The following ARVCF variants were observed in gnomAD, a reference collection of about 807,000 sequenced individuals.
ARVCF encodes the protein splicing regulator ARVCF.
ARVCF carries 66 observed loss-of-function variants against 90.9 expected under a neutral mutation model. The ratio of observed to expected loss-of-function variants is 0.73; its 90% CI spans 0.60 to 0.89. The LOEUF (loss-of-function observed/expected upper bound fraction) is 0.89, where lower values mean the gene tolerates loss of function less well. ARVCF is among the 40% of genes least tolerant of loss of function. The probability of loss-of-function intolerance (pLI) is 0.00; values close to 1 mark genes in which losing one functional copy is unlikely to be tolerated. For missense variants in ARVCF, 1,469 were observed against 1,382.3 expected (o/e 1.06, Z -1.00); for synonymous variants, 653 against 603.4 (o/e 1.08, Z -1.21).
At chr22:20,002,395 G>C (rs889907636) in intron 2 of ARVCF, among the ~76,000 whole-genome samples, 1 of 152,200 alleles carries the variant, frequency 6.6e-6, no homozygotes, top group Non-Finnish European at 1.5e-5. Flanking sequence ...TCAACACGCT[G>C]CTGCCTGCTG....
At chr22:19,987,030 C>T (rs1255981810) in intron 3 of ARVCF, 1 of 651,884 alleles carries the variant, frequency 1.5e-6, no homozygotes, top group Admixed American at 2.4e-5. Flanking sequence ...CCCTCTGCCT[C>T]CGACCCCGGG....
intron 2 of ARVCF, among the ~76,000 whole-genome samples, chr22:20,008,926 G>A (rs1427970541): frequency 1.3e-5 from 2 of 152,124 alleles, no homozygotes; most frequent in African/African-American, 4.8e-5. Context: ...AAGAACTGGA[G>A]GGGGGAGGGA....
At chr22:19,973,829 T>C (rs764938878) in intron 12 of ARVCF, 36 bp from the exon 13 acceptor site, 2 of 1,581,060 alleles carry the variant, frequency 1.3e-6, no homozygotes, top group East Asian at 2.3e-5. Flanking sequence ...CAGACATACA[T>C]GCCAGGCACT....
Position 19,981,473 on chromosome 22 carries a change from G to A in ARVCF, c.634C>T (p.Pro212Ser). The change falls in exon 5 of 20, where the codon CCC (proline) becomes TCC (serine). Residue 212 changes from proline (P) to serine (S), a missense_variant. Pro to Ser is a moderately conservative substitution (Grantham distance 74, BLOSUM62 -1). Coordinates refer to ENST00000263207, the MANE Select transcript of ARVCF (RefSeq NM_001670.3). ...GSLSRGLGMR[P>S]PRAGPLGPGP... ...GGGCCAAGGGGGCCAGCACGTGGGG[G>A]CCGCATGCCCAGCCCTCGGGACAGG... 1.3e-6 allele frequency: 2 copies of A among 1,545,566 alleles called. No homozygotes were observed. The highest frequency in any genetic ancestry group is 8.7e-7 in the Non-Finnish European group (1 of 1,148,064).
Position 19,973,487 on chromosome 22 carries a change from C to CG in ARVCF, c.2239+155dup, listed in dbSNP as rs150272589. Among the ~76,000 whole-genome samples, 17,475 of 152,136 alleles carry CG rather than the reference C, an allele frequency of 0.11. 1,362 individuals are homozygous for CG. The highest frequency in any genetic ancestry group is 0.2 in the Middle Eastern group (58 of 294). ...GGGCGCTGAGCTTCAGAGACAGGGC[C>CG]GGGGGGACTGGAGCTACCTCCAGTT... On this transcript the variant is annotated intron_variant, in intron 13 of 19. Coordinates refer to ENST00000263207, the MANE Select transcript of ARVCF (RefSeq NM_001670.3).
chr22:20,001,406 G>A (rs112818083), intron 2 of ARVCF, among the ~76,000 whole-genome samples: 12 of 152,330 alleles, frequency 7.9e-5, no homozygotes, highest in African/African-American at 2.4e-4. Flanking sequence ...TCAGGAAGCC[G>A]CTTCCCGCTG....
chr22:20,012,506 G>A (rs1944873501), intron 1 of ARVCF, among the ~76,000 whole-genome samples: 1 of 152,244 alleles, frequency 6.6e-6, no homozygotes, highest in Non-Finnish European at 1.5e-5. Context: ...CTCACCTTGG[G>A]GAGCCCCCCT....
chr22:19,983,934 G>A (rs548364531), intron 3 of ARVCF, among the ~76,000 whole-genome samples: 1 of 152,342 alleles, frequency 6.6e-6, no homozygotes, highest in Non-Finnish European at 1.5e-5. Flanking sequence ...TCTGAAGCAG[G>A]AGAAGGCTTG....
intron 1 of ARVCF, among the ~76,000 whole-genome samples, chr22:20,013,104 G>T (rs1229049557): frequency 1.3e-5 from 2 of 152,270 alleles, no homozygotes; most frequent in African/African-American, 4.8e-5. Flanking sequence ...ATGCAGGCAG[G>T]TGAATGGAGT....
chr22:19,969,800 C>T (rs1942641702), downstream of ARVCF: 1 of 976,312 alleles, frequency 1.0e-6, no homozygotes, highest in Non-Finnish European at 1.2e-6. Context: ...CACCTGGGAC[C>T]ACCTCCACCC....
Position 19,973,747 on chromosome 22 carries a change from G to A in ARVCF, c.2135C>T (p.Pro712Leu). Reference protein sequence around the residue: ...RATVRKERGLPVLVELLQSET... With the variant: ...RATVRKERGLLVLVELLQSET... ...AGACTGCAGCAGTTCCACAAGCACC[G>A]GCAGCCCGCGCTCTTTGCGCACTGT... The change falls in exon 13 of 20, where the codon CCG (proline) becomes CTG (leucine). Residue 712 changes from proline to leucine, a missense_variant. Coordinates refer to ENST00000263207, the MANE Select transcript of ARVCF (RefSeq NM_001670.3). 3 of 1,608,520 alleles carry A rather than the reference G, an allele frequency of 1.9e-6. No homozygotes were observed. The highest frequency in any genetic ancestry group is 2.5e-6 in the Non-Finnish European group (3 of 1,179,908).
At chr22:19,989,403 C>T (rs1475020198) in intron 3 of ARVCF, among the ~76,000 whole-genome samples, 1 of 152,180 alleles carries the variant, frequency 6.6e-6, no homozygotes, top group African/African-American at 2.4e-5. Context: ...CAAGTCTGGA[C>T]ACCAAGACTC....
intron 2 of ARVCF, among the ~76,000 whole-genome samples, chr22:19,991,607 G>A (rs1468283184): frequency 6.6e-6 from 1 of 152,250 alleles, no homozygotes; most frequent in Non-Finnish European, 1.5e-5. Flanking sequence ...GGGTGGGATT[G>A]GGCCTGCTGG....
intron 1 of ARVCF, among the ~76,000 whole-genome samples, chr22:20,015,259 T>C (rs1944997376): frequency 6.6e-6 from 1 of 152,112 alleles, no homozygotes; most frequent in African/African-American, 2.4e-5. Flanking sequence ...TGGGCGCTGG[T>C]GGACCCCAGA....
At chr22:20,005,485 A>G (rs1944588477) in intron 2 of ARVCF, among the ~76,000 whole-genome samples, 1 of 152,168 alleles carries the variant, frequency 6.6e-6, no homozygotes, top group South Asian at 2.1e-4. Context: ...AAATAGAATT[A>G]CCATATGGTC....
At position 19,978,875 on chromosome 22, in the gene ARVCF, T is replaced by C. The variant is rs373620064; in HGVS notation, c.1580+22A>G. On this transcript the variant is annotated intron_variant, in intron 7 of 19. Transcript: ENST00000263207. Reference sequence around the variant, plus strand: ...CGGGGCCTGGTGTGCATGTGGGCTTTAGCACCAGGTCTGGTCCACACCTCA... The same window carrying C: ...CGGGGCCTGGTGTGCATGTGGGCTTCAGCACCAGGTCTGGTCCACACCTCA... 3.1e-6 allele frequency: 5 copies of C among 1,594,708 alleles called. No homozygotes were observed. In the African/African-American group the frequency reaches 6.7e-5, roughly 21 times the overall value.
chr22:20,016,184 C>T (rs1945123258), intron 1 of ARVCF, among the ~76,000 whole-genome samples: 1 of 152,206 alleles, frequency 6.6e-6, no homozygotes, highest in Admixed American at 6.5e-5. Context: ...GCCTGCCGCC[C>T]CTCGGGCTGT....
At chr22:20,000,638 T>C (rs1054789382) in intron 2 of ARVCF, among the ~76,000 whole-genome samples, 1 of 152,234 alleles carries the variant, frequency 6.6e-6, no homozygotes, top group Non-Finnish European at 1.5e-5. Flanking sequence ...CCACCCACAC[T>C]GCTACGGTGT....
Position 19,972,838 on chromosome 22 carries a change from A to G in ARVCF, c.2551-11T>C. ...AGTAGCAGCAGCTGACTGAGACATA[A>G]AACACAGACACAGGGTGGGTGAAGC... On this transcript the variant is annotated splice_polypyrimidine_tract_variant and intron_variant, in intron 15 of 19. Transcript: ENST00000263207. The G allele has an allele frequency of 6.2e-7, 1 of 1,613,670 alleles. No individual in the cohort carries two copies. The highest frequency in any genetic ancestry group is 1.3e-5 in the African/African-American group (1 of 75,032).
Sources: allele counts gnomAD v4.1 joint callset (sites outside exome capture counted in the v4.1 genomes callset), GRCh38; gene constraint gnomAD v4.1.1; transcripts MANE v1.5; gene names NCBI Gene and HGNC (gene_info 2026-07-23, HGNC 2026-07-21).